Variants in NCOA2 observed in about 807,000 individuals in gnomAD.
The protein encoded by NCOA2 is nuclear receptor coactivator 2.
Under a neutral mutation model 145.1 loss-of-function variants are expected in NCOA2, and 21 were observed. The ratio of observed to expected loss-of-function variants is 0.14; its 90% CI spans 0.10 to 0.21. The LOEUF (loss-of-function observed/expected upper bound fraction) is 0.21, where lower values mean the gene tolerates loss of function less well. Among genes scored for constraint, NCOA2 ranks in the 10% least tolerant of loss-of-function variants. NCOA2 has a pLI of 1.00. For synonymous variants in NCOA2, 619 were observed against 637.5 expected (o/e 0.97, Z 0.44); for missense variants, 1,472 against 1,837.6 (o/e 0.80, Z 3.64).
At chr8:70,254,939 C>G (rs895078659) in intron 2 of NCOA2, among the ~76,000 whole-genome samples, 1 of 151,996 alleles carries the variant, frequency 6.6e-6, no homozygotes, top group African/African-American at 2.4e-5. Flanking sequence ...GTAAAAAGTG[C>G]CTCTCAAATT....
At chr8:70,371,512 C>T (rs1449973519) in intron 1 of NCOA2, among the ~76,000 whole-genome samples, 1 of 152,026 alleles carries the variant, frequency 6.6e-6, no homozygotes, top group Non-Finnish European at 1.5e-5. Flanking sequence ...TATATATAGC[C>T]TGATTTTATG....
chr8:70,330,070 C>T (rs1274874778), intron 1 of NCOA2, among the ~76,000 whole-genome samples: 2 of 152,160 alleles, frequency 1.3e-5, no homozygotes, highest in Non-Finnish European at 2.9e-5. Context: ...CATATTCCAT[C>T]TTACCACTTC....
intron 4 of NCOA2, among the ~76,000 whole-genome samples, chr8:70,201,649 T>C (rs1279198861): frequency 6.6e-6 from 1 of 152,168 alleles, no homozygotes; most frequent in Non-Finnish European, 1.5e-5. Flanking sequence ...TGAGCAGCAG[T>C]AATAAGAGGA....
intron 1 of NCOA2, among the ~76,000 whole-genome samples, chr8:70,367,860 T>C (rs954194581): frequency 3.9e-5 from 6 of 152,346 alleles, no homozygotes; most frequent in Middle Eastern, 3.4e-3. Flanking sequence ...TTCTCAACTA[T>C]AAATGACAAC....
the NCOA2 span, among the ~76,000 whole-genome samples, chr8:70,435,603 G>A: frequency 6.6e-6 from 1 of 151,218 alleles, no homozygotes; most frequent in Non-Finnish European, 1.5e-5. Context: ...TGTCCTCATA[G>A]GAGTGCTGTG....
chr8:70,292,543 T>C (rs1170380601), intron 2 of NCOA2, among the ~76,000 whole-genome samples: 2 of 123,244 alleles, frequency 1.6e-5, no homozygotes, highest in African/African-American at 3.2e-5. Flanking sequence ...AAAGACTCCA[T>C]CTCAGGAAAA....
At position 70,126,949 on chromosome 8, in the gene NCOA2, T is replaced by C; in HGVS notation, c.3780A>G (p.Gln1260=). ...RQMHQQQQVQ[Q]RTLMMRGQGL... ...CTTGTCCTCTCATCATCAAAGTTCG[T>C]TGCTGAACTTGCTGTTGCTGATGCA... The change falls in exon 19 of 23, where the codon CAA becomes CAG. Residue 1260 remains glutamine, a synonymous_variant. Transcript: ENST00000452400. 1 of 1,613,914 alleles carries C rather than the reference T, an allele frequency of 6.2e-7. No individual in the cohort carries two copies. Among genetic ancestry groups the C allele is most frequent in the South Asian group, 1.1e-5 (1 of 91,054 alleles).
intron 1 of NCOA2, among the ~76,000 whole-genome samples, chr8:70,378,553 C>T (rs1027383502): frequency 2.6e-5 from 4 of 151,856 alleles, no homozygotes; most frequent in Non-Finnish European, 4.4e-5. Context: ...GATTTTCGAA[C>T]GGGTCTAGCA....
intron 4 of NCOA2, among the ~76,000 whole-genome samples, chr8:70,182,468 A>G (rs1490186844): frequency 6.6e-6 from 1 of 152,234 alleles, no homozygotes; most frequent in Non-Finnish European, 1.5e-5. Flanking sequence ...ACACAGGCCT[A>G]CTTTTAAAAT....
chr8:70,217,075 G>A (rs1051379029), intron 2 of NCOA2, among the ~76,000 whole-genome samples: 1 of 152,104 alleles, frequency 6.6e-6, no homozygotes, highest in Non-Finnish European at 1.5e-5. Context: ...TCTGGGTTTG[G>A]GCTGCCAGCC....
At chr8:70,337,119 T>C (rs1807668345) in intron 1 of NCOA2, among the ~76,000 whole-genome samples, 1 of 152,114 alleles carries the variant, frequency 6.6e-6, no homozygotes, top group African/African-American at 2.4e-5. Context: ...TCATTAATGT[T>C]TTTGAATACC....
At chr8:70,252,051 A>G (rs565627279) in intron 2 of NCOA2, among the ~76,000 whole-genome samples, 1 of 152,354 alleles carries the variant, frequency 6.6e-6, no homozygotes, top group South Asian at 2.1e-4. Flanking sequence ...ACAAGGTGCT[A>G]TGTAAATAAT....
intron 11 of NCOA2, among the ~76,000 whole-genome samples, chr8:70,155,767 G>C (rs759105350): frequency 6.6e-6 from 1 of 152,204 alleles, no homozygotes; most frequent in Non-Finnish European, 1.5e-5. Context: ...ACAAAAAAAG[G>C]CCTGCCCACC....
At chr8:70,336,467 A>G (rs185021825) in intron 1 of NCOA2, among the ~76,000 whole-genome samples, 2 of 152,342 alleles carry the variant, frequency 1.3e-5, no homozygotes, top group Admixed American at 1.3e-4. Flanking sequence ...ACTACTATAA[A>G]GAAGTATCTT....
intron 17 of NCOA2, 22 bp downstream of exon 17, chr8:70,128,680 C>T (rs768662204): frequency 6.2e-7 from 1 of 1,610,106 alleles, no homozygotes; most frequent in Non-Finnish European, 8.5e-7. Flanking sequence ...CCTGACTTCC[C>T]AGGTGCCATC....
intron 5 of NCOA2, among the ~76,000 whole-genome samples, chr8:70,171,337 C>G (rs1453224709): frequency 6.6e-6 from 1 of 152,190 alleles, no homozygotes; most frequent in African/African-American, 2.4e-5. Context: ...AGTCTCAGAA[C>G]TAGTCAGTGG....
chr8:70,222,017 T>C (rs2134042183), intron 2 of NCOA2, among the ~76,000 whole-genome samples: 1 of 152,320 alleles, frequency 6.6e-6, no homozygotes, highest in South Asian at 2.1e-4. Context: ...TACGTAATAC[T>C]GTAGTGCTTC....
At chr8:70,168,168 T>C (rs1339832657) in intron 6 of NCOA2, among the ~76,000 whole-genome samples, 3 of 152,170 alleles carry the variant, frequency 2.0e-5, no homozygotes, top group Non-Finnish European at 2.9e-5. Flanking sequence ...AAAGAGCCCA[T>C]GGCCACTGGG....
At chr8:70,320,282 T>G (rs929921644) in intron 1 of NCOA2, among the ~76,000 whole-genome samples, 3 of 152,112 alleles carry the variant, frequency 2.0e-5, no homozygotes, top group Non-Finnish European at 4.4e-5. Context: ...TGAGAAAAAG[T>G]GTTCTAAAAA....
Sources: allele counts gnomAD v4.1 joint callset (sites outside exome capture counted in the v4.1 genomes callset), GRCh38; gene constraint gnomAD v4.1.1; transcripts MANE v1.5; gene names NCBI Gene and HGNC (gene_info 2026-07-23, HGNC 2026-07-21).